Variants in SRGAP2B observed in about 807,000 individuals in gnomAD.
SRGAP2B encodes SLIT-ROBO Rho GTPase activating protein 2B.
A neutral mutation model predicts 22.2 loss-of-function variants in SRGAP2B; 9 were observed. The ratio of observed to expected loss-of-function variants is 0.41; its 90% CI spans 0.24 to 0.71. SRGAP2B has a LOEUF of 0.71. Among genes scored for constraint, SRGAP2B ranks in the 30% least tolerant of loss-of-function variants. The pLI is 0.35. For synonymous variants in SRGAP2B, 36 were observed against 87.4 expected, an observed-to-expected ratio of 0.41 and a Z score of 3.28; for missense variants, 114 against 235.8, an observed-to-expected ratio of 0.48 and a Z score of 3.38.
chr1:145,044,650 TAAAAAAAAAAAAAAAAAAAAA>T (rs1184404731), intron 2 of SRGAP2B, among the ~76,000 whole-genome samples: 74 of 30,634 alleles, frequency 2.4e-3, no homozygotes, highest in East Asian at 3.8e-3. Context: ...AACCCCCTCC[TAAAAAAAAAAAAAAAAAAAAA>T]AAAAAAAAAA....
At chr1:145,015,918 TAAGCA>T (rs1428079910) in intron 2 of SRGAP2B, among the ~76,000 whole-genome samples, 1 of 83,226 alleles carries the variant, frequency 1.2e-5, no homozygotes, top group African/African-American at 5.4e-5. Flanking sequence ...GGGAATTAGA[TAAGCA>T]AAGTACAATG....
intron 2 of SRGAP2B, among the ~76,000 whole-genome samples, chr1:145,058,135 T>C (rs1292957360): frequency 3.3e-5 from 5 of 149,842 alleles, no homozygotes; most frequent in African/African-American, 1.0e-4. Context: ...TCCCAGTTCC[T>C]AGGACCTGTG....
rs1240465944 is a variant in SRGAP2B, at chr1:144,960,425, G to A, written c.261-4824C>T. ...TGCAGGAGACATTATCACTGTAAAT[G>A]CACTGAAAGAGATAAACCTGCATAG... On this transcript the variant is annotated intron_variant, in intron 3 of 9. Transcript: ENST00000612199. 2.0e-5 allele frequency among the ~76,000 whole-genome samples: 3 copies of A among 150,598 alleles called. 1 individual carries two copies. Among genetic ancestry groups the A allele is most frequent in the African/African-American group, 7.5e-5 (3 of 40,156 alleles).
intron 2 of SRGAP2B, among the ~76,000 whole-genome samples, chr1:145,088,863 C>T (rs1553635880): frequency 1.4e-5 from 2 of 142,072 alleles, no homozygotes; most frequent in African/African-American, 2.6e-5. Context: ...CTCCCCATAC[C>T]TGCAGGTTCC....
chr1:144,975,930 G>A (rs1553614107), intron 3 of SRGAP2B, among the ~76,000 whole-genome samples: 2 of 131,174 alleles, frequency 1.5e-5, no homozygotes, highest in East Asian at 4.4e-4. Context: ...CTGGAGTGCA[G>A]TGGCACGATC....
At position 144,984,332 on chromosome 1, in the gene SRGAP2B, AAACAAC is replaced by A. The variant is rs1202934958; in HGVS notation, c.260+10670_260+10675del. ...CGAAACTCCATCTAAAAAAAAACCCAAACAACAACAACAACAACAACAACAACAACA... is the reference window on the plus strand; with the variant it reads ...CGAAACTCCATCTAAAAAAAAACCCAAACAACAACAACAACAACAACAACA... On this transcript the variant is annotated intron_variant, in intron 3 of 9. Coordinates refer to ENST00000612199, the Ensembl canonical transcript of SRGAP2B. 1.6e-3 allele frequency among the ~76,000 whole-genome samples: 184 copies of A among 118,436 alleles called. 5 individuals are homozygous for A. The highest frequency in any genetic ancestry group is 6.9e-3 in the South Asian group (26 of 3,782). 77.7% of individuals were successfully genotyped at this position (118,436 alleles called of 152,430 possible).
At chr1:145,009,307 G>A (rs1194517303) in intron 2 of SRGAP2B, among the ~76,000 whole-genome samples, 9 of 148,262 alleles carry the variant, frequency 6.1e-5, no homozygotes, top group Non-Finnish European at 1.0e-4. Context: ...CAAAACTGGC[G>A]GCCGGGCGCG....
chr1:144,969,844 C>T (rs1409238207), intron 3 of SRGAP2B, among the ~76,000 whole-genome samples: 1 of 150,620 alleles, frequency 6.6e-6, no homozygotes, highest in Non-Finnish European at 1.5e-5. Flanking sequence ...AGGACATGAA[C>T]AGACACTTCT....
At chr1:145,013,166 T>C (rs1472356346) in intron 2 of SRGAP2B, among the ~76,000 whole-genome samples, 3 of 149,792 alleles carry the variant, frequency 2.0e-5, no homozygotes, top group Non-Finnish European at 2.9e-5. Context: ...TTTTTGAACA[T>C]GTAATAACCA....
At chr1:144,889,073 G>A (rs2101649259) in exon 10 of SRGAP2B, 1 of 140,796 alleles carries the variant, frequency 7.1e-6, no homozygotes, top group South Asian at 2.2e-4. Flanking sequence ...TCCCACCTTA[G>A]CCTCCTGAGT....
Position 145,020,948 on chromosome 1 carries a change from C to T in SRGAP2B, c.68-25748G>A, listed in dbSNP as rs1471253203. ...CCAAGTAGCTGGGATTACAAGCGTG[C>T]GCCACCATGCCGGCTAATTTTTTAA... On this transcript the variant is annotated intron_variant, in intron 2 of 9. Transcript: ENST00000612199. Among the ~76,000 whole-genome samples, 6 of 148,722 alleles carry T rather than the reference C, an allele frequency of 4.0e-5. 1 individual carries two copies. Among genetic ancestry groups the T allele is most frequent in the Admixed American group, 1.3e-4 (2 of 15,040 alleles).
intron 2 of SRGAP2B, among the ~76,000 whole-genome samples, chr1:145,009,422 AC>A (rs1439313018): frequency 3.4e-5 from 5 of 147,854 alleles, no homozygotes; most frequent in Non-Finnish European, 5.9e-5. Context: ...CCCCGTCTCT[AC>A]TAAAAATACA....
chr1:144,932,675 GA>G (rs1665291728), intron 4 of SRGAP2B, among the ~76,000 whole-genome samples: 1 of 125,342 alleles, frequency 8.0e-6, no homozygotes, highest in Admixed American at 8.3e-5. Flanking sequence ...TTTAAAGCAA[GA>G]AAAAAGACAA....
chr1:145,007,322 G>T, intron 2 of SRGAP2B, among the ~76,000 whole-genome samples: 2 of 149,922 alleles, frequency 1.3e-5, no homozygotes, highest in Non-Finnish European at 2.9e-5. Flanking sequence ...TCATGTGGTT[G>T]TCTGTCATAG....
exon 10 of SRGAP2B, chr1:144,887,666 T>A: frequency 8.1e-5 from 2 of 24,756 alleles, no homozygotes; most frequent in Admixed American, 5.1e-4. Flanking sequence ...AAAGGGATAA[T>A]GAAGGAGAGA....
chr1:144,987,915 A>G (rs587702435), intron 3 of SRGAP2B, among the ~76,000 whole-genome samples: 2 of 151,068 alleles, frequency 1.3e-5, no homozygotes, highest in African/African-American at 4.9e-5. Context: ...TACTAAGATA[A>G]GGGCAGAACT....
At chr1:145,067,345 C>G (rs1252473831) in intron 2 of SRGAP2B, among the ~76,000 whole-genome samples, 1 of 148,314 alleles carries the variant, frequency 6.7e-6, no homozygotes, top group African/African-American at 2.6e-5. Context: ...GAGTTCAAGG[C>G]TAAGCAAAAT....
At chr1:144,905,053 A>C (rs1662882536) in intron 7 of SRGAP2B, 38 bp downstream of exon 7, 2 of 725,906 alleles carry the variant, frequency 2.8e-6, no homozygotes, top group Admixed American at 2.0e-5. Flanking sequence ...TGAAACCAGA[A>C]AAGAGGTGCC....
intron 3 of SRGAP2B, among the ~76,000 whole-genome samples, chr1:144,957,654 GA>G (rs201304121): frequency 0.025 from 3,695 of 145,304 alleles, 314 homozygotes; most frequent in East Asian, 0.21. Flanking sequence ...AGTATCTGGG[GA>G]AAAAAAAGTG....
Sources: gnomAD v4.1 joint callset for allele counts (sites outside exome capture counted in the v4.1 genomes callset) on GRCh38, gnomAD v4.1.1 for gene constraint, MANE v1.5 for transcripts, NCBI Gene and HGNC (gene_info 2026-07-23, HGNC 2026-07-21) for gene names.